NRG3: variants seen among roughly 807,000 people sequenced by gnomAD.
NRG3 encodes pro-neuregulin-3, membrane-bound isoform.
NRG3 carries 31 observed loss-of-function variants against 66.9 expected under a neutral mutation model. The ratio of observed to expected loss-of-function variants is 0.46; its 90% CI spans 0.35 to 0.63. The LOEUF (loss-of-function observed/expected upper bound fraction) is 0.63. Ranked by LOEUF, NRG3 falls within the 20% of genes least tolerant of loss-of-function variation. NRG3 has a pLI of 0.00. For missense variants in NRG3, 910 were observed against 878.9 expected, an observed-to-expected ratio of 1.04 and a Z score of -0.45; for synonymous variants, 393 against 359.4, an observed-to-expected ratio of 1.09 and a Z score of -1.06.
chr10:81,914,045 C>G (rs1006675625), intron 1 of NRG3, among the ~76,000 whole-genome samples: 6 of 152,192 alleles, frequency 3.9e-5, no homozygotes, highest in African/African-American at 1.4e-4. Flanking sequence ...GGGCTGTCCT[C>G]TGCTTCTGGC....
chr10:82,130,871 C>T (rs920459156), intron 1 of NRG3, among the ~76,000 whole-genome samples: 1 of 152,034 alleles, frequency 6.6e-6, no homozygotes, highest in African/African-American at 2.4e-5. Context: ...ATTTTTTGCC[C>T]ATTTTAAAAT....
intron 3 of NRG3, among the ~76,000 whole-genome samples, chr10:82,859,549 T>G (rs1024731380): frequency 6.6e-6 from 1 of 152,212 alleles, no homozygotes; most frequent in Non-Finnish European, 1.5e-5. Flanking sequence ...CGGGGGAATG[T>G]CAGCAGCCCC....
intron 2 of NRG3, among the ~76,000 whole-genome samples, chr10:82,590,798 C>A (rs187237977): frequency 6.6e-6 from 1 of 152,154 alleles, no homozygotes; most frequent in East Asian, 1.9e-4. Context: ...AGTTTGGAAC[C>A]AAAGATTTCA....
At chr10:82,549,443 G>A (rs1309336145) in intron 2 of NRG3, among the ~76,000 whole-genome samples, 1 of 152,136 alleles carries the variant, frequency 6.6e-6, no homozygotes, top group Non-Finnish European at 1.5e-5. Context: ...CAGGGAGGTG[G>A]GAAATGCAGA....
chr10:81,876,280 G>T, intron 1 of NRG3, 117 bp downstream of exon 1: 1 of 1,389,532 alleles, frequency 7.2e-7, no homozygotes. Context: ...TCCCAGGTTT[G>T]GGGCAGAGTG....
At chr10:82,414,878 A>G (rs2088417484) in intron 2 of NRG3, among the ~76,000 whole-genome samples, 1 of 152,190 alleles carries the variant, frequency 6.6e-6, no homozygotes, top group Non-Finnish European at 1.5e-5. Flanking sequence ...GTCTTGAGGA[A>G]GAACTCCTTC....
At chr10:82,282,407 G>A (rs568764354) in intron 1 of NRG3, among the ~76,000 whole-genome samples, 1 of 152,128 alleles carries the variant, frequency 6.6e-6, no homozygotes, top group African/African-American at 2.4e-5. Context: ...CTTCCTTTAT[G>A]CTAGTGTAGA....
At chr10:82,008,575 G>A (rs2061460975) in intron 1 of NRG3, among the ~76,000 whole-genome samples, 1 of 152,190 alleles carries the variant, frequency 6.6e-6, no homozygotes, top group South Asian at 2.1e-4. Context: ...GGCAATGGAT[G>A]TTGGTACAGA....
At chr10:82,277,907 C>G (rs898656222) in intron 1 of NRG3, among the ~76,000 whole-genome samples, 3 of 152,008 alleles carry the variant, frequency 2.0e-5, no homozygotes, top group African/African-American at 7.2e-5. Context: ...CCCTCCTCAG[C>G]CTTTGGAGAG....
At chr10:82,696,904 G>T (rs554323473) in intron 2 of NRG3, among the ~76,000 whole-genome samples, 14 of 152,286 alleles carry the variant, frequency 9.2e-5, no homozygotes, top group Admixed American at 5.9e-4. Context: ...TTACTTAAAG[G>T]CCACTGTTTA....
intron 1 of NRG3, among the ~76,000 whole-genome samples, chr10:82,059,420 G>A (rs2064016019): frequency 6.6e-6 from 1 of 152,152 alleles, no homozygotes; most frequent in South Asian, 2.1e-4. Flanking sequence ...GCAAGGATGG[G>A]AGAAAAAGAA....
At chr10:82,505,592 C>G (rs1844593268) in intron 2 of NRG3, among the ~76,000 whole-genome samples, 1 of 152,182 alleles carries the variant, frequency 6.6e-6, no homozygotes, top group Non-Finnish European at 1.5e-5. Flanking sequence ...ACAATCACCC[C>G]AGTCCCTTTC....
rs899736127 is a variant in NRG3 at position 82,084,467 on chromosome 10, A to G, written c.823+208304A>G. 3.9e-4 allele frequency among the ~76,000 whole-genome samples: 58 copies of G among 149,452 alleles called. 1 individual carries two copies. The highest frequency in any genetic ancestry group is 1.3e-3 in the African/African-American group (51 of 40,458). On this transcript the variant is annotated intron_variant, in intron 1 of 8. Coordinates refer to ENST00000372141, the MANE Select transcript of NRG3 (RefSeq NM_001010848.4). ...TAATCTTGGGTACTTTGAGACTGTA[A>G]TTTAGCTAGTCTCCAAATTTGGGAC...
At chr10:82,898,715 C>CTTTTTTTT (rs765058089) in intron 4 of NRG3, among the ~76,000 whole-genome samples, 4 of 89,396 alleles carry the variant, frequency 4.5e-5, no homozygotes, top group African/African-American at 9.2e-5. Flanking sequence ...GGAGTTTTAC[C>CTTTTTTTT]TTTTTTTTTT....
chr10:82,734,225 T>C (rs1339596161), intron 2 of NRG3, among the ~76,000 whole-genome samples: 2 of 152,134 alleles, frequency 1.3e-5, no homozygotes, highest in Non-Finnish European at 2.9e-5. Context: ...GGCTTTTCCT[T>C]GGGGACAATG....
intron 1 of NRG3, among the ~76,000 whole-genome samples, chr10:82,254,861 T>A (rs1195109420): frequency 6.6e-6 from 1 of 152,044 alleles, no homozygotes; most frequent in Admixed American, 6.6e-5. Context: ...AATAATTGAA[T>A]AAATACAAAA....
chr10:82,539,965 ACTACTTTTG>A (rs1452193440), intron 2 of NRG3, among the ~76,000 whole-genome samples: 1 of 152,104 alleles, frequency 6.6e-6, no homozygotes, highest in Non-Finnish European at 1.5e-5. Context: ...AATATAATCA[ACTACTTTTG>A]ACTAAGTCAG....
At chr10:82,086,220 G>C (rs565315482) in intron 1 of NRG3, among the ~76,000 whole-genome samples, 2 of 152,218 alleles carry the variant, frequency 1.3e-5, no homozygotes, top group East Asian at 3.9e-4. Context: ...TATCTACAAT[G>C]AGTTCATCTC....
At chr10:82,967,580 A>G (rs1484963161) in intron 6 of NRG3, among the ~76,000 whole-genome samples, 2 of 152,172 alleles carry the variant, frequency 1.3e-5, no homozygotes, top group Non-Finnish European at 2.9e-5. Context: ...AACACTTGTG[A>G]CCTTCAGAAG....
Sources: gnomAD v4.1 joint callset for allele counts (sites outside exome capture counted in the v4.1 genomes callset) on GRCh38, gnomAD v4.1.1 for gene constraint, MANE v1.5 for transcripts, NCBI Gene and HGNC (gene_info 2026-07-23, HGNC 2026-07-21) for gene names.